EYS: variants seen among roughly 807,000 people sequenced by gnomAD.
EYS encodes protein eyes shut homolog.
EYS carries 250 observed loss-of-function variants against 282.1 expected under a neutral mutation model. The observed-to-expected ratio is 0.89, with a 90% CI of 0.80 to 0.98. The LOEUF is 0.98. EYS is among the 50% of genes least tolerant of loss of function. EYS has a pLI of 0.00. For missense variants in EYS, 4,016 were observed against 3,709.0 expected (o/e 1.08, Z -2.15); for synonymous variants, 1,355 against 1,282.9 (o/e 1.06, Z -1.20).
chr6:65,305,330 T>C (rs1329936033), intron 11 of EYS, among the ~76,000 whole-genome samples: 4 of 152,238 alleles, frequency 2.6e-5, no homozygotes, highest in Non-Finnish European at 2.9e-5. Context: ...ATGTATTGTC[T>C]TGATGTACTT....
intron 5 of EYS, among the ~76,000 whole-genome samples, chr6:65,423,262 A>T (rs1041829645): frequency 3.3e-5 from 5 of 151,932 alleles, no homozygotes; most frequent in African/African-American, 9.7e-5. Context: ...TGTCACATGT[A>T]TGTGGGATTT....
At chr6:64,225,732 C>A (rs1379809841) in intron 31 of EYS, among the ~76,000 whole-genome samples, 5 of 152,046 alleles carry the variant, frequency 3.3e-5, no homozygotes, top group Non-Finnish European at 7.4e-5. Context: ...TCTTTGTCTC[C>A]AGCTGAGCCC....
At chr6:64,612,455 A>T (rs1767143151) in intron 24 of EYS, among the ~76,000 whole-genome samples, 1 of 152,126 alleles carries the variant, frequency 6.6e-6, no homozygotes, top group Admixed American at 6.6e-5. Context: ...CAAGTTTAGG[A>T]CATTCAAAAA....
chr6:64,599,186 T>A (rs1398139786), intron 24 of EYS, among the ~76,000 whole-genome samples: 1 of 152,162 alleles, frequency 6.6e-6, no homozygotes, highest in Non-Finnish European at 1.5e-5. Flanking sequence ...AAAGTTCTAA[T>A]CTTATTGATA....
chr6:64,475,454 G>A (rs1776231980), intron 26 of EYS, among the ~76,000 whole-genome samples: 1 of 110,836 alleles, frequency 9.0e-6, no homozygotes, highest in South Asian at 3.1e-4. Flanking sequence ...GGGAGGCTGA[G>A]GCAGGAGAAT....
chr6:64,014,441 A>T (rs1448270359), intron 33 of EYS, among the ~76,000 whole-genome samples: 2 of 152,150 alleles, frequency 1.3e-5, no homozygotes, highest in East Asian at 1.9e-4. Context: ...TTTCCTGACA[A>T]TGCATTTTAC....
At chr6:65,196,237 C>T (rs1349276457) in intron 12 of EYS, among the ~76,000 whole-genome samples, 2 of 151,902 alleles carry the variant, frequency 1.3e-5, no homozygotes, top group East Asian at 1.9e-4. Flanking sequence ...ATGTGACTAA[C>T]TGAACTTCAC....
intron 8 of EYS, among the ~76,000 whole-genome samples, chr6:65,360,064 A>G (rs1764640910): frequency 6.6e-6 from 1 of 151,996 alleles, no homozygotes; most frequent in African/African-American, 2.4e-5. Flanking sequence ...GTTTTAATTG[A>G]CACATAAGAA....
intron 22 of EYS, among the ~76,000 whole-genome samples, chr6:64,667,064 A>G (rs1020078294): frequency 1.3e-5 from 2 of 151,996 alleles, no homozygotes; most frequent in Non-Finnish European, 2.9e-5. Flanking sequence ...ACAGAAATCA[A>G]GAGGAGTTTC....
At chr6:65,479,212 C>T (rs1229417595) in intron 5 of EYS, among the ~76,000 whole-genome samples, 6 of 152,120 alleles carry the variant, frequency 3.9e-5, no homozygotes, top group East Asian at 1.9e-4. Context: ...ATCTACCATA[C>T]GTGTAACTGT....
chr6:64,315,329 C>T (rs375027900), intron 29 of EYS, among the ~76,000 whole-genome samples: 1 of 152,258 alleles, frequency 6.6e-6, no homozygotes, highest in South Asian at 2.1e-4. Flanking sequence ...CCAAATTCTA[C>T]CAGAGGTACA....
At chr6:63,835,196 T>C (rs1231213714) in intron 36 of EYS, among the ~76,000 whole-genome samples, 2 of 151,594 alleles carry the variant, frequency 1.3e-5, no homozygotes, top group African/African-American at 2.4e-5. Context: ...GAACTTAAAG[T>C]ATAATAATAA....
At chr6:65,637,608 A>T (rs6933242) in intron 2 of EYS, among the ~76,000 whole-genome samples, 2 of 152,104 alleles carry the variant, frequency 1.3e-5, no homozygotes, top group African/African-American at 2.4e-5. Flanking sequence ...TACTTGCCAT[A>T]GCAGGCTTGA....
intron 28 of EYS, among the ~76,000 whole-genome samples, chr6:64,390,708 G>C (rs1358188741): frequency 1.3e-5 from 2 of 150,798 alleles, no homozygotes; most frequent in Non-Finnish European, 2.9e-5. Flanking sequence ...ACTCTAAAAA[G>C]CAGAGCGCCT....
chr6:64,811,499 G>A (rs577024331), intron 22 of EYS, among the ~76,000 whole-genome samples: 1 of 151,960 alleles, frequency 6.6e-6, no homozygotes, highest in Non-Finnish European at 1.5e-5. Context: ...AGCTTGCTAT[G>A]GTTTAGGTGT....
intron 31 of EYS, among the ~76,000 whole-genome samples, chr6:64,192,131 T>A (rs1210692021): frequency 6.9e-6 from 1 of 144,788 alleles, no homozygotes; most frequent in East Asian, 2.1e-4. Flanking sequence ...TGTCTTCTTT[T>A]GAGAAGTGTC....
intron 33 of EYS, among the ~76,000 whole-genome samples, chr6:64,028,299 C>A (rs1199160090): frequency 6.6e-6 from 1 of 152,190 alleles, no homozygotes; most frequent in Non-Finnish European, 1.5e-5. Context: ...AAGGCAATAT[C>A]CTTTAAGGCC....
At chr6:65,369,990 T>C (rs1765074551) in intron 8 of EYS, among the ~76,000 whole-genome samples, 2 of 151,498 alleles carry the variant, frequency 1.3e-5, no homozygotes, top group Non-Finnish European at 2.9e-5. Context: ...TATTGGTGTG[T>C]TTATTTGGTT....
intron 29 of EYS, among the ~76,000 whole-genome samples, chr6:64,345,504 A>G (rs1771349620): frequency 6.6e-6 from 1 of 152,206 alleles, no homozygotes; most frequent in African/African-American, 2.4e-5. Context: ...CCATATGTAG[A>G]AAGCTGAAAC....
Sources: allele counts gnomAD v4.1 joint callset (sites outside exome capture counted in the v4.1 genomes callset), GRCh38; gene constraint gnomAD v4.1.1; transcripts MANE v1.5; gene names NCBI Gene and HGNC (gene_info 2026-07-23, HGNC 2026-07-21).